The following ATRNL1 variants were observed in gnomAD, a reference collection of about 807,000 sequenced individuals.
ATRNL1 encodes the protein attractin-like protein 1.
In ATRNL1, 95 loss-of-function variants were observed where a neutral mutation model predicts 182.7. The observed-to-expected ratio is 0.52, with a 90% CI of 0.44 to 0.62. The LOEUF is 0.62. Ranked by LOEUF, ATRNL1 falls within the 20% of genes least tolerant of loss-of-function variation. ATRNL1 has a pLI of 0.00. For synonymous variants in ATRNL1, 576 were observed against 568.3 expected (o/e 1.01, Z -0.19); for missense variants, 1,471 against 1,679.5 (o/e 0.88, Z 2.17).
chr10:115,426,105 C>T, intron 20 of ATRNL1, 145 bp from the exon 21 acceptor site: 1 of 548,784 alleles, frequency 1.8e-6, no homozygotes, highest in South Asian at 3.4e-5. Context: ...ACACATCTTT[C>T]AAAGATGTGT....
chr10:115,422,692 A>G (rs1009324812), intron 20 of ATRNL1, among the ~76,000 whole-genome samples: 5 of 152,206 alleles, frequency 3.3e-5, no homozygotes, highest in African/African-American at 1.2e-4. Flanking sequence ...AGCTATAAAA[A>G]AAGAACAAGA....
intron 20 of ATRNL1, among the ~76,000 whole-genome samples, chr10:115,410,566 G>A (rs549512576): frequency 4.0e-5 from 6 of 151,750 alleles, no homozygotes; most frequent in South Asian, 4.2e-4. Flanking sequence ...TGATCTGCCC[G>A]CCTTGGCCTT....
rs563775233 is a variant in ATRNL1 at position 115,651,244 on chromosome 10, AGGGCTACCTATT to A, written c.3796-76000_3796-75989del. On this transcript the variant is annotated intron_variant, in intron 26 of 28. Transcript: ENST00000355044. ...AGACGTGGAGTGAGAGAAGAGAACA[AGGGCTACCTATT>A]GGGTACTATGCTCACTACCTGGGTG... Among the ~76,000 whole-genome samples the A allele has an allele frequency of 5.2e-3, 786 of 152,216 alleles. 6 individuals are homozygous for A. Among genetic ancestry groups the A allele is most frequent in the African/African-American group, 0.018 (746 of 41,492 alleles).
intron 19 of ATRNL1, among the ~76,000 whole-genome samples, chr10:115,348,100 A>G (rs1224086397): frequency 1.3e-5 from 2 of 152,040 alleles, no homozygotes; most frequent in Non-Finnish European, 2.9e-5. Context: ...CAGCCTTCCT[A>G]GTAGCTGGGA....
At chr10:115,262,677 T>A (rs1554909120) in intron 10 of ATRNL1, among the ~76,000 whole-genome samples, 1 of 151,908 alleles carries the variant, frequency 6.6e-6, no homozygotes, top group Non-Finnish European at 1.5e-5. Context: ...TAATCAAGAA[T>A]CCTTTAAATT....
intron 26 of ATRNL1, among the ~76,000 whole-genome samples, chr10:115,725,706 A>T (rs1947576750): frequency 6.6e-6 from 1 of 151,138 alleles, no homozygotes; most frequent in African/African-American, 2.4e-5. Flanking sequence ...TTTACCAAAG[A>T]CGAAGAACCT....
chr10:115,610,056 T>C (rs891394326), intron 26 of ATRNL1, among the ~76,000 whole-genome samples: 1 of 152,230 alleles, frequency 6.6e-6, no homozygotes, highest in Non-Finnish European at 1.5e-5. Context: ...GAATACTTTC[T>C]AAAATAGACT....
intron 9 of ATRNL1, among the ~76,000 whole-genome samples, chr10:115,230,124 T>C (rs1285781067): frequency 1.3e-5 from 2 of 152,220 alleles, no homozygotes; most frequent in Admixed American, 6.6e-5. Flanking sequence ...TTGCATAAAT[T>C]GTTTATCATT....
intron 9 of ATRNL1, among the ~76,000 whole-genome samples, chr10:115,235,964 CATTTAT>C (rs1850160876): frequency 6.6e-6 from 1 of 151,968 alleles, no homozygotes; most frequent in Non-Finnish European, 1.5e-5. Context: ...TCTATATATT[CATTTAT>C]ATCAGTATGA....
intron 19 of ATRNL1, among the ~76,000 whole-genome samples, chr10:115,345,443 A>G (rs1449775592): frequency 6.6e-6 from 1 of 152,116 alleles, no homozygotes; most frequent in African/African-American, 2.4e-5. Flanking sequence ...GCCTAGAGAT[A>G]CTTTCCTCCC....
intron 10 of ATRNL1, among the ~76,000 whole-genome samples, chr10:115,243,966 G>A (rs1850525060): frequency 6.6e-6 from 1 of 151,940 alleles, no homozygotes; most frequent in Non-Finnish European, 1.5e-5. Context: ...TGAAATGTTG[G>A]ACTATTTTTC....
chr10:115,389,229 G>A (rs113297127), intron 19 of ATRNL1, among the ~76,000 whole-genome samples: 34 of 151,956 alleles, frequency 2.2e-4, no homozygotes, highest in African/African-American at 6.0e-4. Flanking sequence ...AGCTGAGGCC[G>A]GGTGCGGTGG....
In ATRNL1 at chr10:115,186,159, G is replaced by A. The variant is rs12243808; in HGVS notation, c.1348+14867G>A. On this transcript the variant is annotated intron_variant, in intron 8 of 28. Transcript: ENST00000355044. ...ACTTAAAACAACCCGATTAAAAAAT[G>A]GGCAAAGGATCTAAGTAGACATTTC... Among the ~76,000 whole-genome samples, 625 of 152,096 alleles carry A rather than the reference G, an allele frequency of 4.1e-3. 4 individuals carry two copies. The highest frequency in any genetic ancestry group is 0.014 in the African/African-American group (600 of 41,530).
chr10:115,266,306 A>G (rs1342671219), intron 11 of ATRNL1, among the ~76,000 whole-genome samples: 1 of 151,772 alleles, frequency 6.6e-6, no homozygotes, highest in Admixed American at 6.6e-5. Context: ...ATGAAACACC[A>G]TAAGAAGAAC....
At chr10:115,554,684 A>G (rs1554996577) in intron 26 of ATRNL1, among the ~76,000 whole-genome samples, 1 of 151,636 alleles carries the variant, frequency 6.6e-6, no homozygotes, top group Non-Finnish European at 1.5e-5. Context: ...TTGTGATGTC[A>G]TGCATAGGGA....
At chr10:115,674,052 A>G (rs2133934828) in intron 26 of ATRNL1, among the ~76,000 whole-genome samples, 1 of 152,228 alleles carries the variant, frequency 6.6e-6, no homozygotes, top group African/African-American at 2.4e-5. Context: ...TGCTAGACTT[A>G]TGAGTGAAGG....
rs369366151 is a variant in ATRNL1 at position 115,331,164 on chromosome 10, A to G, written c.3038-3118A>G. The stretch of plus-strand genomic sequence containing the variant: ...AACCTCCACCTCCTGGGTTCACGCC[A>G]TTCTCCTGCCTCAGCCTCCCAAGTA... On this transcript the variant is annotated intron_variant, in intron 18 of 28. Coordinates refer to ENST00000355044, the MANE Select transcript of ATRNL1 (RefSeq NM_207303.4). Among the ~76,000 whole-genome samples the G allele has an allele frequency of 1.8e-4, 28 of 151,854 alleles. No homozygotes were observed. The South Asian group carries it at 4.4e-3, about 24-fold the overall frequency.
intron 25 of ATRNL1, among the ~76,000 whole-genome samples, chr10:115,543,569 A>G (rs1554992717): frequency 6.6e-6 from 1 of 152,172 alleles, no homozygotes; most frequent in African/African-American, 2.4e-5. Flanking sequence ...ATTTATGATC[A>G]GTTAACCTCA....
chr10:115,539,803 C>G (rs1362461111), intron 25 of ATRNL1, among the ~76,000 whole-genome samples: 2 of 152,092 alleles, frequency 1.3e-5, no homozygotes, highest in African/African-American at 4.8e-5. Flanking sequence ...GGAGCTCTGG[C>G]TACAGAGAGC....
Sources: gnomAD v4.1 joint callset for allele counts (sites outside exome capture counted in the v4.1 genomes callset) on GRCh38, gnomAD v4.1.1 for gene constraint, MANE v1.5 for transcripts, NCBI Gene and HGNC (gene_info 2026-07-23, HGNC 2026-07-21) for gene names.